The following FN3K variants were observed in gnomAD, a reference collection of about 807,000 sequenced individuals.
FN3K encodes fructosamine-3-kinase.
In FN3K, 24 loss-of-function variants were observed where a neutral mutation model predicts 24.8. The observed-to-expected ratio is 0.97, with a 90% confidence interval of 0.70 to 1.36. The LOEUF (loss-of-function observed/expected upper bound fraction) is 1.36, where lower values mean the gene tolerates loss of function less well. Ranked by LOEUF, FN3K falls within the 40% of genes most tolerant of loss-of-function variation. The pLI, the probability that FN3K is intolerant of heterozygous loss-of-function variation, is 0.00. For synonymous variants in FN3K, 192 were observed against 175.2 expected (o/e 1.10, Z -0.76); for missense variants, 449 against 416.7 (o/e 1.08, Z -0.67).
At chr17:82,735,810 G>C in intron 1 of FN3K, 33 bp downstream of exon 1, 1 of 1,545,536 alleles carries the variant, frequency 6.5e-7, no homozygotes, top group East Asian at 2.4e-5. Flanking sequence ...GGGCTCTGCG[G>C]GTCTCTGCGG....
At position 82,750,854 on chromosome 17, in the gene FN3K, G is replaced by C; in HGVS notation, c.*99G>C. The stretch of plus-strand genomic sequence containing the variant: ...CCTGTGCCCCCGTCCCTGTCCCCCT[G>C]TTCCCGTCTCCCCGTCCCTCCGTCT... On this transcript the variant is annotated 3_prime_UTR_variant, in exon 6 of 6. Coordinates refer to ENST00000300784, the MANE Select transcript of FN3K (RefSeq NM_022158.4). 1.2e-6 allele frequency: 1 copy of C among 811,592 alleles called. No homozygotes were observed. 50.3% of individuals were successfully genotyped at this position (811,592 alleles called of 1,614,324 possible).
At chr17:82,748,297 G>A (rs1004843214) in intron 4 of FN3K, among the ~76,000 whole-genome samples, 3 of 152,000 alleles carry the variant, frequency 2.0e-5, no homozygotes, top group East Asian at 1.9e-4. Flanking sequence ...ACAGGCCCAC[G>A]CCACCATGCC....
Position 82,738,578 on chromosome 17 carries a change from C to T in FN3K, c.231C>T (p.Ile77=), listed in dbSNP as rs745338444. ...GGGTGCCGAGGCCCATGAAGGTCAT[C>T]GACCTGCCGGGAGGTGGGGCCGCCT... ...LVRVPRPMKV[I]DLPGGGAAFV... The change falls in exon 2 of 6, where the codon ATC becomes ATT. Residue 77 remains isoleucine, a synonymous_variant. Transcript: ENST00000300784. 18 of 1,613,824 alleles carry T rather than the reference C, an allele frequency of 1.1e-5. No homozygotes were observed. The South Asian group carries it at 1.2e-4, about 11-fold the overall frequency.
chr17:82,739,756 C>A, intron 2 of FN3K, among the ~76,000 whole-genome samples: 1 of 152,136 alleles, frequency 6.6e-6, no homozygotes, highest in East Asian at 1.9e-4. Context: ...CGCGCCCGGC[C>A]TAATTTTTGT....
At chr17:82,736,661 C>T (rs146672578) in intron 1 of FN3K, among the ~76,000 whole-genome samples, 3 of 152,298 alleles carry the variant, frequency 2.0e-5, no homozygotes, top group African/African-American at 7.2e-5. Flanking sequence ...CTCAGAAGGC[C>T]CTGCACACTC....
At chr17:82,742,409 C>T (rs1401629019) in intron 4 of FN3K, among the ~76,000 whole-genome samples, 1 of 152,188 alleles carries the variant, frequency 6.6e-6, no homozygotes, top group Non-Finnish European at 1.5e-5. Context: ...TTCCTGGTCC[C>T]TGGCAACCTC....
intron 4 of FN3K, 157 bp downstream of exon 4, chr17:82,741,550 C>T (rs184883075): frequency 9.6e-5 from 66 of 686,792 alleles, no homozygotes; most frequent in Admixed American, 2.8e-4. Flanking sequence ...GGAGAGCAGA[C>T]GCTGAGGGTC....
intron 5 of FN3K, 23 bp downstream of exon 5, chr17:82,749,000 T>C: frequency 1.2e-6 from 2 of 1,613,918 alleles, no homozygotes; most frequent in Non-Finnish European, 1.7e-6. Context: ...GTGACTTCTC[T>C]GGGAAAGAGC....
chr17:82,738,596 G>C lies in FN3K; in HGVS notation c.249G>C (p.Gly83=), dbSNP rs1463852130. The C allele has an allele frequency of 6.2e-7, 1 of 1,614,074 alleles. No individual in the cohort carries two copies. Among genetic ancestry groups the C allele is most frequent in the Non-Finnish European group, 8.5e-7 (1 of 1,180,006 alleles). Residue 83 remains glycine (G), a synonymous_variant, in exon 2 of 6, where the codon GGG becomes GGC. Transcript: ENST00000300784. ...PMKVIDLPGG[G]AAFVMEHLKM... The stretch of plus-strand genomic sequence containing the variant: ...AGGTCATCGACCTGCCGGGAGGTGG[G>C]GCCGCCTTTGTGATGGAGCATTTGA...
At chr17:82,739,149 T>C (rs1438898006) in intron 2 of FN3K, among the ~76,000 whole-genome samples, 2 of 151,640 alleles carry the variant, frequency 1.3e-5, no homozygotes, top group African/African-American at 4.9e-5. Flanking sequence ...GGTTTCACCA[T>C]GTTGGCTGAG....
At chr17:82,748,364 C>A (rs1433666414) in intron 4 of FN3K, among the ~76,000 whole-genome samples, 1 of 152,106 alleles carries the variant, frequency 6.6e-6, no homozygotes, top group Admixed American at 6.6e-5. Context: ...CTAGACTGGT[C>A]TTTAACTCCT....
At chr17:82,738,927 T>TATATATATATATATACAC (rs2046923232) in intron 2 of FN3K, among the ~76,000 whole-genome samples, 1 of 23,612 alleles carries the variant, frequency 4.2e-5, no homozygotes, top group South Asian at 1.7e-3. Flanking sequence ...TATATACACA[T>TATATATATATATATACAC]ATATATATAT....
At chr17:82,743,118 C>T (rs1486377925) in intron 4 of FN3K, among the ~76,000 whole-genome samples, 1 of 152,128 alleles carries the variant, frequency 6.6e-6, no homozygotes, top group Non-Finnish European at 1.5e-5. Context: ...ACCCTCTTCA[C>T]CTGTCCAGGT....
rs1478318352 is a variant in FN3K at position 82,735,642 on chromosome 17, G to A, written c.6G>A (p.Glu2=). 13 of 1,537,486 alleles carry A rather than the reference G, an allele frequency of 8.5e-6. No homozygotes were observed. The highest frequency in any genetic ancestry group is 1.1e-5 in the Non-Finnish European group (13 of 1,149,656). ...AGTCCCGCGCCCCGCACTCCATGGA[G>A]CAGCTGCTGCGCGCCGAGCTGCGCA... is the stretch of plus-strand genomic sequence containing the variant. M[E]QLLRAELRTA... The change falls in exon 1 of 6, where the codon GAG becomes GAA. Residue 2 remains glutamate, a synonymous_variant. Coordinates refer to ENST00000300784, the MANE Select transcript of FN3K (RefSeq NM_022158.4).
At chr17:82,744,278 T>G (rs1449812261) in intron 4 of FN3K, among the ~76,000 whole-genome samples, 1 of 152,176 alleles carries the variant, frequency 6.6e-6, no homozygotes, top group Non-Finnish European at 1.5e-5. Context: ...CAGCTTCGTA[T>G]TTTTCTCTAC....
chr17:82,750,302 G>C, intron 5 of FN3K, 115 bp from the exon 6 acceptor site: 1 of 920,172 alleles, frequency 1.1e-6, no homozygotes, highest in Non-Finnish European at 1.7e-6. Flanking sequence ...GGCAGGCAGT[G>C]CTGGGGCTGG....
Position 82,750,535 on chromosome 17 carries a change from C to T in FN3K, c.710C>T (p.Ser237Phe). 2.5e-6 allele frequency: 4 copies of T among 1,614,154 alleles called. No individual in the cohort carries two copies. Among genetic ancestry groups the T allele is most frequent in the Non-Finnish European group, 3.4e-6 (4 of 1,180,028 alleles). ...DVGPIIYDPA[S>F]FYGHSEFELA... Reference sequence around the variant, plus strand: ...GGGCCCATTATTTACGACCCGGCTTCCTTCTATGGCCATTCCGAGTTTGAA... The same window carrying T: ...GGGCCCATTATTTACGACCCGGCTTTCTTCTATGGCCATTCCGAGTTTGAA... The change falls in exon 6 of 6, where the codon TCC becomes TTC. Residue 237 changes from serine to phenylalanine, a missense_variant. Ser to Phe is a radical substitution (Grantham distance 155). Coordinates refer to ENST00000300784, the MANE Select transcript of FN3K (RefSeq NM_022158.4).
At chr17:82,744,262 T>G (rs1238304825) in intron 4 of FN3K, among the ~76,000 whole-genome samples, 2 of 152,214 alleles carry the variant, frequency 1.3e-5, no homozygotes, top group African/African-American at 2.4e-5. Context: ...ACCCTTTGTA[T>G]AAAATCAGCT....
rs1236329016 is a variant in FN3K, at chr17:82,735,687, C to G, written c.51C>G (p.Phe17Leu). 2 of 1,541,802 alleles carry G rather than the reference C, an allele frequency of 1.3e-6. No homozygotes were observed. Among genetic ancestry groups the G allele is most frequent in the Non-Finnish European group, 1.7e-6 (2 of 1,146,740 alleles). ...AELRTATLRA[F>L]GGPGAGCISE... ...TGCGCACCGCGACCCTGCGGGCCTT[C>G]GGCGGCCCCGGCGCCGGCTGCATCA... Residue 17 changes from phenylalanine to leucine, a missense_variant, in exon 1 of 6, where the codon TTC becomes TTG. Phe to Leu is a conservative substitution (Grantham distance 22). Transcript: ENST00000300784.
Sources: gnomAD v4.1 joint callset for allele counts (sites outside exome capture counted in the v4.1 genomes callset) on GRCh38, gnomAD v4.1.1 for gene constraint, MANE v1.5 for transcripts, NCBI Gene and HGNC (gene_info 2026-07-23, HGNC 2026-07-21) for gene names.